Variants in EYS observed in about 807,000 individuals in gnomAD.
EYS encodes the protein protein eyes shut homolog.
Under a neutral mutation model 282.1 loss-of-function variants are expected in EYS, and 250 were observed. That is an observed-to-expected ratio of 0.89 (90% CI 0.80 to 0.98). The LOEUF (loss-of-function observed/expected upper bound fraction) is 0.98, where lower values mean the gene tolerates loss of function less well. Ranked by LOEUF, EYS falls within the 50% of genes least tolerant of loss-of-function variation. EYS has a pLI of 0.00. For synonymous variants in EYS, 1,355 were observed against 1,282.9 expected (o/e 1.06, Z -1.20); for missense variants, 4,016 against 3,709.0 (o/e 1.08, Z -2.15).
intron 5 of EYS, among the ~76,000 whole-genome samples, chr6:65,415,470 T>G (rs984708137): frequency 2.0e-5 from 3 of 152,038 alleles, no homozygotes; most frequent in Non-Finnish European, 2.9e-5. Context: ...GTCATATTTG[T>G]GAACAGATGG....
intron 41 of EYS, among the ~76,000 whole-genome samples, chr6:63,741,247 CAG>C (rs1466496276): frequency 2.0e-5 from 3 of 152,074 alleles, no homozygotes; most frequent in Non-Finnish European, 4.4e-5. Flanking sequence ...TAGAATCCCT[CAG>C]AGAGATTAAT....
intron 26 of EYS, among the ~76,000 whole-genome samples, chr6:64,567,222 C>T (rs566461830): frequency 4.6e-5 from 7 of 151,858 alleles, no homozygotes; most frequent in South Asian, 4.2e-4. Flanking sequence ...TCTCTCAATA[C>T]GGAGTGAGAG....
intron 31 of EYS, among the ~76,000 whole-genome samples, chr6:64,127,442 T>C (rs1192942990): frequency 6.6e-6 from 1 of 152,156 alleles, no homozygotes; most frequent in African/African-American, 2.4e-5. Flanking sequence ...TTAGTTGGAG[T>C]AGATTTTTTC....
chr6:65,249,759 T>C (rs551126920), intron 12 of EYS, among the ~76,000 whole-genome samples: 4 of 152,148 alleles, frequency 2.6e-5, no homozygotes, highest in East Asian at 1.9e-4. Context: ...GAGAAAACCA[T>C]TGAATGAAAG....
intron 40 of EYS, among the ~76,000 whole-genome samples, chr6:63,768,330 A>G (rs537036680): frequency 1.3e-5 from 2 of 152,116 alleles, no homozygotes; most frequent in Admixed American, 1.3e-4. Flanking sequence ...TACACAACAA[A>G]AAAGGTCTAA....
At chr6:65,049,882 G>A (rs996245309) in intron 13 of EYS, among the ~76,000 whole-genome samples, 2 of 151,574 alleles carry the variant, frequency 1.3e-5, no homozygotes, top group African/African-American at 2.4e-5. Context: ...GGGATGGGCC[G>A]TACATTAACT....
rs679911 is a variant in EYS, at chr6:64,339,702, G to C, written c.6079-32620C>G. 2.9e-3 allele frequency among the ~76,000 whole-genome samples: 442 copies of C among 151,322 alleles called. 4 individuals are homozygous for C. The highest frequency in any genetic ancestry group is 0.01 in the African/African-American group (421 of 41,430). On this transcript the variant is annotated intron_variant, in intron 29 of 42. Transcript: ENST00000503581. ...CACGCGTGTTTACTGCAGCACAATT[G>C]GATGGAATACTACTCAGCCATAAAA...
At chr6:64,235,877 C>T (rs1012885195) in intron 30 of EYS, among the ~76,000 whole-genome samples, 1 of 152,094 alleles carries the variant, frequency 6.6e-6, no homozygotes, top group East Asian at 1.9e-4. Context: ...GACTCACAGC[C>T]GAATTCTACC....
chr6:64,194,715 T>A (rs1021896854), intron 31 of EYS, among the ~76,000 whole-genome samples: 2 of 152,284 alleles, frequency 1.3e-5, no homozygotes, highest in South Asian at 2.1e-4. Context: ...TCTATGGTGG[T>A]TGGGGTCAGT....
At chr6:64,824,479 G>T (rs1764991465) in intron 19 of EYS, among the ~76,000 whole-genome samples, 1 of 151,812 alleles carries the variant, frequency 6.6e-6, no homozygotes, top group South Asian at 2.1e-4. Context: ...TTACTTTCAG[G>T]TTCTTGATAA....
chr6:64,700,627 T>A (rs1770750222), intron 22 of EYS, among the ~76,000 whole-genome samples: 1 of 151,964 alleles, frequency 6.6e-6, no homozygotes, highest in Admixed American at 6.6e-5. Context: ...ATGTTTATGA[T>A]AACTAAAATA....
chr6:63,999,781 G>C (rs1436919592), intron 33 of EYS, among the ~76,000 whole-genome samples: 1 of 152,194 alleles, frequency 6.6e-6, no homozygotes, highest in Admixed American at 6.5e-5. Context: ...AGCAAAAATG[G>C]TGAATACACA....
intron 2 of EYS, among the ~76,000 whole-genome samples, chr6:65,638,320 A>AT (rs1046196529): frequency 1.3e-5 from 2 of 152,006 alleles, no homozygotes; most frequent in African/African-American, 2.4e-5. Flanking sequence ...CGCATACCTC[A>AT]TTTTTTTAAG....
intron 31 of EYS, among the ~76,000 whole-genome samples, chr6:64,151,319 A>ATATT (rs1774705245): frequency 7.9e-5 from 2 of 25,464 alleles, no homozygotes; most frequent in Non-Finnish European, 1.7e-4. Context: ...GTGTATATTT[A>ATATT]TATATATATA....
intron 12 of EYS, among the ~76,000 whole-genome samples, chr6:65,240,297 G>C (rs1767026180): frequency 6.6e-6 from 1 of 151,920 alleles, no homozygotes; most frequent in South Asian, 2.1e-4. Context: ...TTTTATTTTA[G>C]GTTCAGGGGG....
chr6:64,916,702 A>C (rs1317721824), intron 15 of EYS, among the ~76,000 whole-genome samples: 1 of 152,182 alleles, frequency 6.6e-6, no homozygotes, highest in African/African-American at 2.4e-5. Flanking sequence ...TAAAAAAAAA[A>C]TGCAAAGCAC....
At chr6:64,921,021 A>G (rs1768330368) in intron 15 of EYS, among the ~76,000 whole-genome samples, 3 of 152,156 alleles carry the variant, frequency 2.0e-5, no homozygotes, top group Non-Finnish European at 1.5e-5. Flanking sequence ...ATTTTTATGC[A>G]TATGGAAATA....
chr6:65,252,589 G>A (rs2150284033), intron 12 of EYS, among the ~76,000 whole-genome samples: 1 of 151,992 alleles, frequency 6.6e-6, no homozygotes, highest in East Asian at 1.9e-4. Flanking sequence ...AACATATGAA[G>A]AACCAGAAAA....
At chr6:63,750,323 C>T (rs1769312712) in intron 41 of EYS, among the ~76,000 whole-genome samples, 1 of 152,020 alleles carries the variant, frequency 6.6e-6, no homozygotes, top group Non-Finnish European at 1.5e-5. Context: ...TCTTTGTATG[C>T]CTTGTAATTT....
Sources: gnomAD v4.1 joint callset for allele counts (sites outside exome capture counted in the v4.1 genomes callset) on GRCh38, gnomAD v4.1.1 for gene constraint, MANE v1.5 for transcripts, NCBI Gene and HGNC (gene_info 2026-07-23, HGNC 2026-07-21) for gene names.